Variants in NYAP2 observed in about 807,000 individuals in gnomAD.
The protein encoded by NYAP2 is neuronal tyrosine-phosphorylated phosphoinositide-3-kinase adapter 2.
NYAP2 carries 23 observed loss-of-function variants against 50.4 expected under a neutral mutation model. The observed-to-expected ratio is 0.46, with a 90% confidence interval of 0.33 to 0.65. NYAP2 has a LOEUF of 0.65. NYAP2 is among the 30% of genes least tolerant of loss of function. NYAP2 has a pLI of 0.02. For missense variants in NYAP2, 885 were observed against 861.0 expected, an observed-to-expected ratio of 1.03 and a Z score of -0.35; for synonymous variants, 394 against 365.2, an observed-to-expected ratio of 1.08 and a Z score of -0.90.
intron 3 of NYAP2, among the ~76,000 whole-genome samples, chr2:225,493,968 C>A (rs1002730714): frequency 6.6e-6 from 1 of 152,178 alleles, no homozygotes; most frequent in Non-Finnish European, 1.5e-5. Context: ...AAGGTTCTTA[C>A]AATGACCATG....
chr2:225,487,232 G>A (rs1279824593), intron 3 of NYAP2, among the ~76,000 whole-genome samples: 1 of 152,168 alleles, frequency 6.6e-6, no homozygotes, highest in East Asian at 1.9e-4. Flanking sequence ...TAAATGGAGT[G>A]GACAGTGCAC....
intron 3 of NYAP2, among the ~76,000 whole-genome samples, chr2:225,413,439 C>G (rs1203872659): frequency 6.6e-6 from 1 of 152,168 alleles, no homozygotes; most frequent in Non-Finnish European, 1.5e-5. Context: ...GTGATCTAGT[C>G]TCAGTACTCA....
chr2:225,632,423 T>C (rs62188752), intron 6 of NYAP2, among the ~76,000 whole-genome samples: 12,753 of 152,224 alleles, frequency 0.084, 748 homozygotes, highest in Non-Finnish European at 0.13. Context: ...CTGATATACA[T>C]ACAAACTTCT....
intron 2 of NYAP2, among the ~76,000 whole-genome samples, chr2:225,406,174 T>A (rs752173726): frequency 2.8e-4 from 42 of 151,932 alleles, no homozygotes; most frequent in Non-Finnish European, 7.4e-5. Flanking sequence ...GTTTTAGAGC[T>A]AGAGGTGCCT....
chr2:225,587,781 T>A (rs1177768967), intron 5 of NYAP2, among the ~76,000 whole-genome samples: 1 of 150,772 alleles, frequency 6.6e-6, no homozygotes, highest in African/African-American at 2.4e-5. Flanking sequence ...GCAGACCCAC[T>A]CAACTCCTGT....
At chr2:225,510,801 G>A (rs1338252777) in intron 3 of NYAP2, among the ~76,000 whole-genome samples, 1 of 152,026 alleles carries the variant, frequency 6.6e-6, no homozygotes, top group Non-Finnish European at 1.5e-5. Flanking sequence ...GTGTGTGTGT[G>A]TGTGTAAAAG....
chr2:225,438,478 A>G (rs1181558912), intron 3 of NYAP2, among the ~76,000 whole-genome samples: 3 of 152,268 alleles, frequency 2.0e-5, no homozygotes, highest in Non-Finnish European at 4.4e-5. Flanking sequence ...GAAATCACTG[A>G]CAAATGCCTG....
intron 5 of NYAP2, among the ~76,000 whole-genome samples, chr2:225,614,412 T>C (rs1692951207): frequency 6.6e-6 from 1 of 152,210 alleles, no homozygotes; most frequent in South Asian, 2.1e-4. Context: ...TTAATACAAA[T>C]AAAATATATG....
chr2:225,516,966 T>A (rs1353687919), intron 4 of NYAP2, among the ~76,000 whole-genome samples: 2 of 152,144 alleles, frequency 1.3e-5, no homozygotes, highest in Non-Finnish European at 2.9e-5. Flanking sequence ...CAGGCTTCTA[T>A]TTAAGTAAGG....
chr2:225,619,852 C>G (rs539278217), intron 5 of NYAP2, among the ~76,000 whole-genome samples: 1 of 152,198 alleles, frequency 6.6e-6, no homozygotes, highest in East Asian at 1.9e-4. Context: ...TACAAAACAC[C>G]CAGTCTGAAA....
At chr2:225,622,436 T>C (rs1693121110) in intron 5 of NYAP2, among the ~76,000 whole-genome samples, 1 of 152,188 alleles carries the variant, frequency 6.6e-6, no homozygotes. Context: ...TTATTTCTAT[T>C]TGGTAGAAAG....
At chr2:225,509,810 A>G (rs1690778077) in intron 3 of NYAP2, among the ~76,000 whole-genome samples, 1 of 152,196 alleles carries the variant, frequency 6.6e-6, no homozygotes, top group South Asian at 2.1e-4. Flanking sequence ...GTGCTCTCTT[A>G]AGAGATCTCA....
chr2:225,513,287 C>T, intron 3 of NYAP2, 84 bp from the exon 4 acceptor site: 1 of 1,242,264 alleles, frequency 8.0e-7, no homozygotes, highest in South Asian at 1.4e-5. Context: ...GAAATTTTCC[C>T]TATTAGTAAT....
chr2:225,656,808 C>T (rs187728188), downstream of NYAP2, among the ~76,000 whole-genome samples: 63 of 152,208 alleles, frequency 4.1e-4, no homozygotes, highest in Admixed American at 2.3e-3. Flanking sequence ...CAATGCCCAG[C>T]GCAAAGTGAG....
chr2:225,576,122 A>G (rs1190666107), intron 4 of NYAP2, among the ~76,000 whole-genome samples: 1 of 152,244 alleles, frequency 6.6e-6, no homozygotes, highest in Non-Finnish European at 1.5e-5. Flanking sequence ...AATGTTCTGC[A>G]TCCTGACTGA....
intron 3 of NYAP2, among the ~76,000 whole-genome samples, chr2:225,454,370 A>G (rs1259406209): frequency 6.6e-6 from 1 of 152,204 alleles, no homozygotes; most frequent in Non-Finnish European, 1.5e-5. Context: ...ACTTTAAAAA[A>G]TTGACTAATA....
At chr2:225,606,504 T>C (rs1273986257) in intron 5 of NYAP2, among the ~76,000 whole-genome samples, 1 of 152,142 alleles carries the variant, frequency 6.6e-6, no homozygotes, top group Non-Finnish European at 1.5e-5. Flanking sequence ...ATGTTCTACA[T>C]TACATCTTCC....
chr2:225,586,698 G>A (rs1272276456), intron 5 of NYAP2, among the ~76,000 whole-genome samples: 2 of 151,988 alleles, frequency 1.3e-5, no homozygotes, highest in Non-Finnish European at 2.9e-5. Context: ...TGATTTTTTA[G>A]AAGATGTAGG....
At chr2:225,578,861 C>G (rs1692214516) in intron 4 of NYAP2, among the ~76,000 whole-genome samples, 1 of 152,038 alleles carries the variant, frequency 6.6e-6, no homozygotes, top group South Asian at 2.1e-4. Context: ...GCTCATTTTG[C>G]TGTAAGAAAA....
Sources: allele counts gnomAD v4.1 joint callset (sites outside exome capture counted in the v4.1 genomes callset), GRCh38; gene constraint gnomAD v4.1.1; transcripts MANE v1.5; gene names NCBI Gene and HGNC (gene_info 2026-07-23, HGNC 2026-07-21).